AFF1: variants seen among roughly 807,000 people sequenced by gnomAD.
The protein encoded by AFF1 is AF4/FMR2 family member 1.
Under a neutral mutation model 121.7 loss-of-function variants are expected in AFF1, and 48 were observed. The observed-to-expected ratio is 0.39, with a 90% CI of 0.31 to 0.50. The LOEUF (loss-of-function observed/expected upper bound fraction) is 0.50. Among genes scored for constraint, AFF1 ranks in the 20% least tolerant of loss-of-function variants. AFF1 has a pLI of 0.76. For missense variants in AFF1, 1,523 were observed against 1,511.7 expected (o/e 1.01, Z -0.12); for synonymous variants, 613 against 563.0 (o/e 1.09, Z -1.26).
chr4:87,025,721 C>T (rs555361618), intron 2 of AFF1, among the ~76,000 whole-genome samples: 1 of 152,162 alleles, frequency 6.6e-6, no homozygotes, highest in African/African-American at 2.4e-5. Flanking sequence ...ATACACAGGA[C>T]AGCCCCACCC....
At position 87,108,278 on chromosome 4, in the gene AFF1, G is replaced by A; in HGVS notation, c.1496G>A (p.Ser499Asn). The A allele has an allele frequency of 6.2e-7, 1 of 1,614,012 alleles. No homozygotes were observed. The highest frequency in any genetic ancestry group is 8.5e-7 in the Non-Finnish European group (1 of 1,180,010). Residue 499 changes from serine to asparagine, a missense_variant, in exon 11 of 21, where the codon AGC (serine) becomes AAC (asparagine). Coordinates refer to ENST00000395146, the MANE Select transcript of AFF1 (RefSeq NM_001166693.3). ...GAGAGCGAGAGCAGTTCAAGTGACA[G>A]CGAAGAAAATGAGCCCCTAGAAACC... ...DSESESSSSD[S>N]EENEPLETPA...
In AFF1 at chr4:87,139,547, T is replaced by G. The variant is rs1377171812; in HGVS notation, c.*3846T>G. The G allele has an allele frequency of 4.3e-6, 1 of 230,616 alleles. No individual in the cohort carries two copies. Among genetic ancestry groups the G allele is most frequent in the Non-Finnish European group, 8.6e-6 (1 of 116,314 alleles). The allele number at this position is 230,616 out of a possible 1,614,324, so 14.3% of individuals were successfully genotyped here. A position where few individuals can be genotyped will look rare whatever the true frequency, so the allele number is the denominator to read the frequency against. On this transcript the variant is annotated 3_prime_UTR_variant, in exon 21 of 21. Transcript: ENST00000395146. ...TCTTTAGAAACACAAGAGTATAGAT[T>G]TTTCTCACTGAAAAGTGAGAGTTAC...
chr4:86,962,549 T>A (rs1722227964), intron 2 of AFF1, among the ~76,000 whole-genome samples: 1 of 152,190 alleles, frequency 6.6e-6, no homozygotes, highest in African/African-American at 2.4e-5. Flanking sequence ...TTCATGATGT[T>A]CATAGAACAC....
chr4:87,017,391 T>C (rs867494481), intron 2 of AFF1, among the ~76,000 whole-genome samples: 2 of 152,138 alleles, frequency 1.3e-5, no homozygotes, highest in Non-Finnish European at 2.9e-5. Flanking sequence ...CCGCTCATTT[T>C]CCCCCATATA....
At chr4:87,041,427 A>G (rs1368071439) in intron 2 of AFF1, among the ~76,000 whole-genome samples, 1 of 152,156 alleles carries the variant, frequency 6.6e-6, no homozygotes, top group Non-Finnish European at 1.5e-5. Flanking sequence ...AACTTGTTCA[A>G]CATACAAGCC....
chr4:87,039,043 G>GTT (rs1158293576), intron 2 of AFF1, among the ~76,000 whole-genome samples: 1 of 152,202 alleles, frequency 6.6e-6, no homozygotes, highest in Non-Finnish European at 1.5e-5. Context: ...GACTAACCTA[G>GTT]TTTAGCAGCA....
chr4:87,125,240 G>A, intron 13 of AFF1, 97 bp downstream of exon 13: 2 of 794,404 alleles, frequency 2.5e-6, no homozygotes, highest in Non-Finnish European at 3.8e-6. Flanking sequence ...TAGAATCAGT[G>A]GATTAATAAA....
At chr4:87,008,744 C>T (rs1323423306) in intron 2 of AFF1, among the ~76,000 whole-genome samples, 4 of 151,842 alleles carry the variant, frequency 2.6e-5, no homozygotes, top group Non-Finnish European at 5.9e-5. Flanking sequence ...TCTTCAAACA[C>T]CTTTTGTGCT....
Position 87,010,026 on chromosome 4 carries a change from A to G in AFF1, c.39-36140A>G, listed in dbSNP as rs572159146. Reference sequence around the variant, plus strand: ...TATGACTAATTTTTTATGCAAATGGATTAGGCGGTGTATTCCCATCCCTGT... The same window carrying G: ...TATGACTAATTTTTTATGCAAATGGGTTAGGCGGTGTATTCCCATCCCTGT... On this transcript the variant is annotated intron_variant, in intron 2 of 20. Transcript: ENST00000395146. 2.5e-3 allele frequency among the ~76,000 whole-genome samples: 387 copies of G among 152,290 alleles called. 1 individual carries two copies. Among genetic ancestry groups the G allele is most frequent in the South Asian group, 0.022 (105 of 4,822 alleles).
At chr4:87,003,401 C>G (rs754997433) in intron 2 of AFF1, among the ~76,000 whole-genome samples, 1 of 152,156 alleles carries the variant, frequency 6.6e-6, no homozygotes, top group Non-Finnish European at 1.5e-5. Flanking sequence ...GTAGCTAGAA[C>G]TATATATCCA....
chr4:87,033,633 T>A (rs1205817930), intron 2 of AFF1, among the ~76,000 whole-genome samples: 1 of 152,178 alleles, frequency 6.6e-6, no homozygotes, highest in Non-Finnish European at 1.5e-5. Flanking sequence ...TGCTCCTGAA[T>A]AATTTGAGAG....
At chr4:86,945,549 A>G (rs1209791913) in intron 1 of AFF1, among the ~76,000 whole-genome samples, 3 of 134,628 alleles carry the variant, frequency 2.2e-5, no homozygotes, top group Non-Finnish European at 4.6e-5. Flanking sequence ...CCCAGGCTGC[A>G]GTGCAGTGGC....
intron 1 of AFF1, among the ~76,000 whole-genome samples, chr4:86,939,421 A>G (rs1194650245): frequency 2.0e-5 from 3 of 152,200 alleles, no homozygotes; most frequent in Non-Finnish European, 2.9e-5. Context: ...TGGGTAAGTA[A>G]TTCTTTCTGA....
chr4:86,982,389 T>G, intron 2 of AFF1, among the ~76,000 whole-genome samples: 1 of 9,474 alleles, frequency 1.1e-4, no homozygotes, highest in Admixed American at 1.1e-3. Flanking sequence ...AAAAATTGGC[T>G]TTTTTTTTTT....
intron 12 of AFF1, among the ~76,000 whole-genome samples, chr4:87,116,448 A>G (rs770136823): frequency 3.3e-5 from 5 of 152,328 alleles, no homozygotes; most frequent in Non-Finnish European, 7.3e-5. Context: ...ACAAAGTCAC[A>G]AGAAGGGCCA....
At chr4:87,052,277 G>GA (rs1232335474) in intron 4 of AFF1, among the ~76,000 whole-genome samples, 4 of 152,096 alleles carry the variant, frequency 2.6e-5, no homozygotes, top group Non-Finnish European at 5.9e-5. Flanking sequence ...CAGCTATTGG[G>GA]AAAAAATTAA....
chr4:87,096,115 T>C (rs904443022), intron 8 of AFF1, among the ~76,000 whole-genome samples: 5 of 152,156 alleles, frequency 3.3e-5, no homozygotes, highest in Admixed American at 1.3e-4. Flanking sequence ...TAATGTACTT[T>C]GTGAAATGAA....
At chr4:87,134,440 G>C in intron 19 of AFF1, 31 bp from the exon 20 acceptor site, 1 of 1,542,986 alleles carries the variant, frequency 6.5e-7, no homozygotes, top group Non-Finnish European at 8.8e-7. Flanking sequence ...GTGACTGACT[G>C]ATCAGTTATC....
intron 2 of AFF1, among the ~76,000 whole-genome samples, chr4:86,996,756 A>G (rs1422527988): frequency 1.3e-5 from 2 of 152,206 alleles, no homozygotes; most frequent in Non-Finnish European, 2.9e-5. Context: ...ACCCACAAAT[A>G]TTTATGTTGA....
Sources: allele counts gnomAD v4.1 joint callset (sites outside exome capture counted in the v4.1 genomes callset), GRCh38; gene constraint gnomAD v4.1.1; transcripts MANE v1.5; gene names NCBI Gene and HGNC (gene_info 2026-07-23, HGNC 2026-07-21).